The following ZSWIM5 variants were observed in gnomAD, a reference collection of about 807,000 sequenced individuals.
ZSWIM5 encodes the protein zinc finger SWIM-type containing 5, also known as zinc finger SWIM domain-containing protein 5.
A neutral mutation model predicts 119.6 loss-of-function variants in ZSWIM5; 55 were observed. That is an observed-to-expected ratio of 0.46 (90% CI 0.37 to 0.58). The LOEUF (loss-of-function observed/expected upper bound fraction) is 0.58. Among genes scored for constraint, ZSWIM5 ranks in the 20% least tolerant of loss-of-function variants. ZSWIM5 has a pLI of 0.00. For missense variants in ZSWIM5, 1,193 were observed against 1,512.8 expected (o/e 0.79, Z 3.51); for synonymous variants, 537 against 606.9 (o/e 0.88, Z 1.69).
intron 1 of ZSWIM5, among the ~76,000 whole-genome samples, chr1:45,172,163 G>A (rs1645949433): frequency 6.6e-6 from 1 of 152,028 alleles, no homozygotes; most frequent in Non-Finnish European, 1.5e-5. Flanking sequence ...TTTAGTGTTA[G>A]AACCAAAATG....
intron 1 of ZSWIM5, among the ~76,000 whole-genome samples, chr1:45,136,767 C>T (rs913497759): frequency 6.6e-6 from 1 of 152,074 alleles, no homozygotes; most frequent in Admixed American, 6.5e-5. Context: ...TAGGTTTCAG[C>T]CCTTGTGAAT....
chr1:45,109,297 T>G (rs1224116734), intron 1 of ZSWIM5, among the ~76,000 whole-genome samples: 1 of 152,202 alleles, frequency 6.6e-6, no homozygotes, highest in Non-Finnish European at 1.5e-5. Context: ...GAACAGTTCT[T>G]CATAGGAAAA....
intron 1 of ZSWIM5, among the ~76,000 whole-genome samples, chr1:45,107,953 T>G (rs899850669): frequency 1.3e-5 from 2 of 152,134 alleles, no homozygotes. Flanking sequence ...TGCATTACCA[T>G]GTCCAGCTAA....
intron 1 of ZSWIM5, among the ~76,000 whole-genome samples, chr1:45,111,999 A>AT (rs892996027): frequency 4.6e-5 from 7 of 152,172 alleles, no homozygotes; most frequent in African/African-American, 1.2e-4. Context: ...ATATTACAGG[A>AT]TTTTTTTAAA....
intron 1 of ZSWIM5, among the ~76,000 whole-genome samples, chr1:45,128,531 A>G (rs768348152): frequency 6.6e-6 from 1 of 152,320 alleles, no homozygotes; most frequent in East Asian, 1.9e-4. Flanking sequence ...GAGATATAGT[A>G]ATTAAAACTA....
At position 45,060,151 on chromosome 1, in the gene ZSWIM5, G is replaced by A. The variant is rs1435107965; in HGVS notation, c.1049C>T (p.Ser350Phe). Reference sequence around the variant, plus strand: ...TCCAGAGCCACAGTAACCGCCCTGGGAGAGAAAAAGCTTCACTTGTTCTTT... The same window carrying A: ...TCCAGAGCCACAGTAACCGCCCTGGAAGAGAAAAAGCTTCACTTGTTCTTT... ...QVKEQVKLFLSQGGYCGSGKQ... is the reference protein window; with the variant it reads ...QVKEQVKLFLFQGGYCGSGKQ... The change falls in exon 3 of 14, where the codon TCC (serine) becomes TTC (phenylalanine). Residue 350 changes from serine to phenylalanine, a missense_variant. Coordinates refer to ENST00000359600, the MANE Select transcript of ZSWIM5 (RefSeq NM_020883.2). 6.2e-7 allele frequency: 1 copy of A among 1,614,070 alleles called. No individual in the cohort carries two copies. Among genetic ancestry groups the A allele is most frequent in the Non-Finnish European group, 8.5e-7 (1 of 1,180,046 alleles).
intron 1 of ZSWIM5, among the ~76,000 whole-genome samples, chr1:45,120,009 GTTCT>G (rs1436159098): frequency 6.6e-6 from 1 of 152,160 alleles, no homozygotes; most frequent in African/African-American, 2.4e-5. Flanking sequence ...CCAATTGCCT[GTTCT>G]TTCTAAATTC....
chr1:45,087,999 G>A lies in ZSWIM5; in HGVS notation c.834C>T (p.Asp278=). 2 of 1,614,134 alleles carry A rather than the reference G, an allele frequency of 1.2e-6. No individual in the cohort carries two copies. Among genetic ancestry groups the A allele is most frequent in the African/African-American group, 1.3e-5 (1 of 75,032 alleles). ...AATATTGAATAAACTTTTGTAGCTG[G>A]TCCCTATTCATCTGGAAAAGGGTTT... ...ISETLFQMNR[D]QLQKFIQYLI... The change falls in exon 2 of 14, where the codon GAC becomes GAT. Residue 278 remains aspartate (D), a synonymous_variant. Transcript: ENST00000359600.
chr1:45,042,740 T>C (rs900320333), intron 6 of ZSWIM5, among the ~76,000 whole-genome samples: 2 of 152,224 alleles, frequency 1.3e-5, no homozygotes, highest in African/African-American at 4.8e-5. Context: ...GAAACAGCTC[T>C]ATCCTGTTAT....
At chr1:45,109,677 A>G (rs1645503695) in intron 1 of ZSWIM5, among the ~76,000 whole-genome samples, 1 of 151,608 alleles carries the variant, frequency 6.6e-6, no homozygotes, top group African/African-American at 2.4e-5. Context: ...CCTGGGAGGC[A>G]GAGGTTGCGG....
intron 3 of ZSWIM5, 78 bp from the exon 4 acceptor site, chr1:45,058,837 G>A: frequency 6.5e-7 from 1 of 1,539,456 alleles, no homozygotes; most frequent in Non-Finnish European, 8.9e-7. Flanking sequence ...GGGGGAGGGG[G>A]AAGTGAAGAT....
chr1:45,094,763 G>C (rs561534906), intron 1 of ZSWIM5, among the ~76,000 whole-genome samples: 173 of 151,864 alleles, frequency 1.1e-3, no homozygotes, highest in African/African-American at 3.8e-3. Flanking sequence ...CACAGTCCCA[G>C]ATACTTGGGG....
chr1:45,066,836 G>A (rs944923166), intron 2 of ZSWIM5, among the ~76,000 whole-genome samples: 3 of 152,152 alleles, frequency 2.0e-5, no homozygotes, highest in African/African-American at 7.2e-5. Flanking sequence ...TTACGTGAGA[G>A]ATTATAGTGG....
chr1:45,123,013 G>T (rs1645602506), intron 1 of ZSWIM5, among the ~76,000 whole-genome samples: 1 of 152,152 alleles, frequency 6.6e-6, no homozygotes, highest in Non-Finnish European at 1.5e-5. Context: ...GCCATGCAAG[G>T]AACAGTAATG....
At chr1:45,133,102 G>A (rs915967326) in intron 1 of ZSWIM5, among the ~76,000 whole-genome samples, 8 of 152,302 alleles carry the variant, frequency 5.3e-5, no homozygotes, top group Admixed American at 2.6e-4. Context: ...ATAGCAGCAT[G>A]ATTTATAATC....
intron 1 of ZSWIM5, among the ~76,000 whole-genome samples, chr1:45,135,242 A>G (rs1645682455): frequency 6.6e-6 from 1 of 152,176 alleles, no homozygotes; most frequent in Non-Finnish European, 1.5e-5. Flanking sequence ...AGAAACAGAA[A>G]GCAGAAAAGG....
chr1:45,099,343 A>G (rs1645423450), intron 1 of ZSWIM5, among the ~76,000 whole-genome samples: 1 of 152,220 alleles, frequency 6.6e-6, no homozygotes, highest in South Asian at 2.1e-4. Flanking sequence ...CCCAAGACTA[A>G]ACCAGGAAGA....
intron 4 of ZSWIM5, among the ~76,000 whole-genome samples, chr1:45,052,424 A>T (rs1268028032): frequency 6.6e-6 from 1 of 152,174 alleles, no homozygotes; most frequent in Non-Finnish European, 1.5e-5. Flanking sequence ...GCCAAATAGG[A>T]ATGTTTTGAA....
At chr1:45,096,287 G>A (rs1342495321) in intron 1 of ZSWIM5, among the ~76,000 whole-genome samples, 1 of 147,154 alleles carries the variant, frequency 6.8e-6, no homozygotes, top group African/African-American at 2.5e-5. Context: ...ACACACACAC[G>A]CACGCACACA....
Sources: allele counts gnomAD v4.1 joint callset (sites outside exome capture counted in the v4.1 genomes callset), GRCh38; gene constraint gnomAD v4.1.1; transcripts MANE v1.5; gene names NCBI Gene and HGNC (gene_info 2026-07-23, HGNC 2026-07-21).